The following DHX32 variants were observed in gnomAD, a reference collection of about 807,000 sequenced individuals.
The protein encoded by DHX32 is putative pre-mRNA-splicing factor ATP-dependent RNA helicase DHX32.
A neutral mutation model predicts 70.0 loss-of-function variants in DHX32; 51 were observed. That is an observed-to-expected ratio of 0.73 (90% CI 0.58 to 0.92). DHX32 has a LOEUF of 0.92. Ranked by LOEUF, DHX32 falls within the 40% of genes least tolerant of loss-of-function variation. DHX32 has a pLI of 0.00. For missense variants in DHX32, 762 were observed against 891.8 expected (o/e 0.85, Z 1.85); for synonymous variants, 310 against 315.3 (o/e 0.98, Z 0.18).
At chr10:125,895,003 A>T (rs1198432132) in intron 1 of DHX32, among the ~76,000 whole-genome samples, 4 of 152,402 alleles carry the variant, frequency 2.6e-5, no homozygotes, top group African/African-American at 9.6e-5. Flanking sequence ...CCCTTAATTT[A>T]TTACCTTAAT....
At chr10:125,873,459 T>C (rs1944267429) in intron 1 of DHX32, among the ~76,000 whole-genome samples, 1 of 152,118 alleles carries the variant, frequency 6.6e-6, no homozygotes, top group African/African-American at 2.4e-5. Context: ...CTTCTCTTAA[T>C]GTCTCTAGGA....
rs1268642197 is a variant in DHX32, at chr10:125,881,013, C to T, written c.-189G>A. ...ATCTGTTCTCCGTTGCTGTGTTACC[C>T]ACTGTGCTGGCTCACTACAGCACTC... On this transcript the variant is annotated 5_prime_UTR_variant, in exon 1 of 11. Transcript: ENST00000284690. The T allele has an allele frequency of 1.5e-6, 1 of 648,022 alleles. No homozygotes were observed. The highest frequency in any genetic ancestry group is 2.6e-6 in the Non-Finnish European group (1 of 389,352). 40.1% of individuals were successfully genotyped at this position (648,022 alleles called of 1,614,324 possible). A position where few individuals can be genotyped will look rare whatever the true frequency, so the allele number is the denominator to read the frequency against.
At chr10:125,844,087 C>T (rs192955944) in intron 6 of DHX32, among the ~76,000 whole-genome samples, 27 of 152,260 alleles carry the variant, frequency 1.8e-4, no homozygotes, top group Admixed American at 1.4e-3. Flanking sequence ...TTTGGACTAA[C>T]CATGACCTTG....
rs1288956675 is a variant in DHX32, at chr10:125,854,049, C to G, written c.1004G>C (p.Arg335Thr). 19 of 1,613,954 alleles carry G rather than the reference C, an allele frequency of 1.2e-5. No homozygotes were observed. The highest frequency in any genetic ancestry group is 6.7e-5 in the African/African-American group (5 of 74,930). Residue 335 changes from arginine to threonine, a missense_variant, in exon 4 of 11, where the codon AGA (arginine) becomes ACA (threonine). Arg to Thr is a moderately conservative substitution (Grantham distance 71). Transcript: ENST00000284690. ...TEKRCQVYQR[R>T]VVLTTSSGEF... Reference sequence around the variant, plus strand: ...TCCAGAGCTAGTAGTTAACACCACTCTTCTTTGATAAACTTGGCATCTTTT... The same window carrying G: ...TCCAGAGCTAGTAGTTAACACCACTGTTCTTTGATAAACTTGGCATCTTTT...
intron 3 of DHX32, among the ~76,000 whole-genome samples, chr10:125,857,455 G>A (rs377654035): frequency 9.8e-5 from 15 of 152,322 alleles, no homozygotes; most frequent in African/African-American, 2.6e-4. Flanking sequence ...CCAGTGCTCC[G>A]CCTGGGTCAC....
At chr10:125,889,235 T>C (rs1944356313) in intron 1 of DHX32, among the ~76,000 whole-genome samples, 1 of 152,168 alleles carries the variant, frequency 6.6e-6, no homozygotes, top group African/African-American at 2.4e-5. Flanking sequence ...GTAGACTTCC[T>C]AAAGCCAAGA....
chr10:125,857,129 G>A (rs1395044205), intron 3 of DHX32, among the ~76,000 whole-genome samples: 1 of 152,206 alleles, frequency 6.6e-6, no homozygotes, highest in African/African-American at 2.4e-5. Flanking sequence ...ACTGATTTCG[G>A]TGCAAGACAA....
intron 1 of DHX32, among the ~76,000 whole-genome samples, chr10:125,893,309 TCTCGG>T (rs1944382129): frequency 6.6e-6 from 1 of 152,224 alleles, no homozygotes; most frequent in Admixed American, 6.5e-5. Context: ...AGTGGCCCAA[TCTCGG>T]CTCACTGCAA....
intron 8 of DHX32, 145 bp downstream of exon 8, chr10:125,840,701 TG>T: frequency 1.2e-6 from 1 of 800,498 alleles, no homozygotes. Flanking sequence ...CAGATGCCTG[TG>T]GGTGCGTTTA....
chr10:125,861,600 A>G (rs1407917961), intron 2 of DHX32, among the ~76,000 whole-genome samples: 6 of 152,222 alleles, frequency 3.9e-5, no homozygotes, highest in Non-Finnish European at 8.8e-5. Context: ...CATACTAGGC[A>G]GAGGGTGCCT....
chr10:125,885,294 A>C (rs994710134), upstream of DHX32, among the ~76,000 whole-genome samples: 3 of 152,182 alleles, frequency 2.0e-5, no homozygotes, highest in Admixed American at 1.3e-4. Context: ...TGCATGTAGG[A>C]ATCCCTGGAA....
Position 125,852,514 on chromosome 10 carries a change from A to C in DHX32, c.1192+29T>G, listed in dbSNP as rs760048971. ...GGTTGCCTGCATACAAGAATTGACA[A>C]CATTTAGTATTTGTGTCCACAGCAC... On this transcript the variant is annotated intron_variant, in intron 5 of 10. Transcript: ENST00000284690. 21 of 1,612,936 alleles carry C rather than the reference A, an allele frequency of 1.3e-5. No individual in the cohort carries two copies. The South Asian group carries it at 2.3e-4, about 18-fold the overall frequency.
At chr10:125,863,971 A>T (rs2134057885) in intron 2 of DHX32, among the ~76,000 whole-genome samples, 1 of 152,244 alleles carries the variant, frequency 6.6e-6, no homozygotes, top group South Asian at 2.1e-4. Context: ...AATCGTCCAC[A>T]TTTTTCAGAT....
rs529584915 is a variant in DHX32 at position 125,851,249 on chromosome 10, CCA to C, written c.1351+1042_1351+1043del. 2.6e-3 allele frequency among the ~76,000 whole-genome samples: 396 copies of C among 152,278 alleles called. 1 individual carries two copies. Among genetic ancestry groups the C allele is most frequent in the South Asian group, 4.6e-3 (22 of 4,824 alleles). ...TCCAAAACAATGAGTCAGAATTAAT[CCA>C]CAGTTATATTTTCCCCAAGCACAGC... On this transcript the variant is annotated intron_variant, in intron 6 of 10. Coordinates refer to ENST00000284690, the MANE Select transcript of DHX32 (RefSeq NM_018180.3).
chr10:125,884,804 A>G (rs148539838), upstream of DHX32, among the ~76,000 whole-genome samples: 198 of 151,476 alleles, frequency 1.3e-3, 1 homozygote, highest in African/African-American at 4.6e-3. Context: ...TTTTTTCTGT[A>G]TTCAAGCCAA....
chr10:125,870,807 A>G (rs1365061128), intron 1 of DHX32, among the ~76,000 whole-genome samples: 3 of 152,188 alleles, frequency 2.0e-5, no homozygotes, highest in Non-Finnish European at 4.4e-5. Flanking sequence ...ACTGCACTCC[A>G]GCCTGGGCAA....
rs138878584 is a variant in DHX32 at position 125,836,724 on chromosome 10, G to A, written c.2195C>T (p.Thr732Met). Residue 732 changes from threonine (T) to methionine (M), a missense_variant, in exon 11 of 11, where the codon ACG becomes ATG. Transcript: ENST00000284690. Reference protein sequence around the residue: ...TMNKEQQMCETCPETEQRCTL... With the variant: ...TMNKEQQMCEMCPETEQRCTL... The stretch of plus-strand genomic sequence containing the variant: ...GCATCTCTGTTCAGTTTCAGGGCAC[G>A]TCTCACACATTTGCTGTTCCTTATT... 63 of 1,614,162 alleles carry A rather than the reference G, an allele frequency of 3.9e-5. 1 individual carries two copies. In the African/African-American group the frequency reaches 5.2e-4, roughly 13 times the overall value.
At position 125,858,177 on chromosome 10, in the gene DHX32, A is replaced by G. The variant is rs542217616; in HGVS notation, c.849+1426T>C. Among the ~76,000 whole-genome samples the G allele has an allele frequency of 3.3e-5, 5 of 152,276 alleles. No homozygotes were observed. The East Asian group carries it at 7.7e-4, about 23-fold the overall frequency. On this transcript the variant is annotated intron_variant, in intron 3 of 10. Transcript: ENST00000284690. ...CAGCCTCCCAAAGTGCTGTCATTAC[A>G]GGTGTGAGCCACAGTGCCCGGCCTA...
chr10:125,885,244 C>A (rs906259946), upstream of DHX32, among the ~76,000 whole-genome samples: 1 of 152,086 alleles, frequency 6.6e-6, no homozygotes. Flanking sequence ...CACATCTGGT[C>A]CTTCGACTGA....
Sources: allele counts gnomAD v4.1 joint callset (sites outside exome capture counted in the v4.1 genomes callset), GRCh38; gene constraint gnomAD v4.1.1; transcripts MANE v1.5; gene names NCBI Gene and HGNC (gene_info 2026-07-23, HGNC 2026-07-21).